ANKRD45: variants seen among roughly 807,000 people sequenced by gnomAD.
The protein encoded by ANKRD45 is ankyrin repeat domain 45.
In ANKRD45, 21 loss-of-function variants were observed where a neutral mutation model predicts 28.1. The observed-to-expected ratio is 0.75, with a 90% CI of 0.53 to 1.08. The LOEUF is 1.08. Among genes scored for constraint, ANKRD45 ranks in the 50% least tolerant of loss-of-function variants. ANKRD45 has a pLI of 0.00. For synonymous variants in ANKRD45, 86 were observed against 103.9 expected (o/e 0.83, Z 1.05); for missense variants, 261 against 308.7 (o/e 0.85, Z 1.16).
chr1:173,616,795 G>A (rs1469783118), intron 5 of ANKRD45, among the ~76,000 whole-genome samples: 1 of 152,182 alleles, frequency 6.6e-6, no homozygotes, highest in Non-Finnish European at 1.5e-5. Context: ...AATAAAAACA[G>A]TGAGTGAATT....
At chr1:173,681,564 T>C in the ANKRD45 span, among the ~76,000 whole-genome samples, 12 of 152,200 alleles carry the variant, frequency 7.9e-5, no homozygotes, top group Non-Finnish European at 1.8e-4. Context: ...AAGTACATCT[T>C]ATAGATTCAT....
intron 5 of ANKRD45, among the ~76,000 whole-genome samples, chr1:173,614,036 A>G (rs187566243): frequency 0.012 from 1,757 of 152,234 alleles, 41 homozygotes; most frequent in African/African-American, 0.041. Context: ...AGGGCGGTGC[A>G]AGATGTGCTT....
intron 5 of ANKRD45, among the ~76,000 whole-genome samples, chr1:173,621,509 A>G (rs536831427): frequency 1.3e-5 from 2 of 152,216 alleles, no homozygotes; most frequent in Non-Finnish European, 2.9e-5. Context: ...AGCATACACA[A>G]ATCAATAAAT....
intron 2 of ANKRD45, chr1:173,657,705 C>T (rs964925925): frequency 8.1e-5 from 11 of 135,214 alleles, no homozygotes; most frequent in African/African-American, 2.9e-4. Context: ...TCAAGCAATC[C>T]TCTTGCCTCG....
the ANKRD45 span, among the ~76,000 whole-genome samples, chr1:173,682,939 CTCTT>C: frequency 8.2e-6 from 1 of 121,586 alleles, no homozygotes; most frequent in Admixed American, 7.3e-5. Flanking sequence ...TCTTGCCTCT[CTCTT>C]TTTTTTTCTT....
intron 1 of ANKRD45, among the ~76,000 whole-genome samples, chr1:173,661,912 G>A (rs567526911): frequency 6.6e-6 from 1 of 152,262 alleles, no homozygotes; most frequent in East Asian, 1.9e-4. Flanking sequence ...GAAATAACAG[G>A]GAAGTGAAGA....
intron 2 of ANKRD45, among the ~76,000 whole-genome samples, chr1:173,656,479 C>T (rs915964103): frequency 1.3e-5 from 2 of 152,140 alleles, no homozygotes; most frequent in Non-Finnish European, 2.9e-5. Flanking sequence ...TTCTTATACT[C>T]TAATCTTTAT....
chr1:173,636,711 GGTTT>G (rs1378535913), intron 3 of ANKRD45: 6 of 751,616 alleles, frequency 8.0e-6, no homozygotes, highest in African/African-American at 7.1e-5. Context: ...GTTTTAATAA[GGTTT>G]GTTTACATAT....
the ANKRD45 span, among the ~76,000 whole-genome samples, chr1:173,699,019 T>C: frequency 8.6e-5 from 13 of 151,812 alleles, no homozygotes; most frequent in Non-Finnish European, 1.8e-4. Flanking sequence ...AAATACAAAC[T>C]ACCATCAGAG....
chr1:173,674,452 C>T (rs1020720453), upstream of ANKRD45, among the ~76,000 whole-genome samples: 10 of 152,066 alleles, frequency 6.6e-5, no homozygotes, highest in African/African-American at 4.8e-5. Context: ...TGAGGATGCA[C>T]GCCCATGACA....
chr1:173,636,936 A>G (rs567981968), intron 3 of ANKRD45: 10 of 1,535,714 alleles, frequency 6.5e-6, no homozygotes, highest in Non-Finnish European at 8.7e-6. Context: ...TCAGTGATAT[A>G]CAAGATCTGG....
chr1:173,695,041 T>C, the ANKRD45 span, among the ~76,000 whole-genome samples: 1 of 152,170 alleles, frequency 6.6e-6, no homozygotes, highest in Non-Finnish European at 1.5e-5. Flanking sequence ...AGAAATTTTA[T>C]TGTCATTTTC....
At chr1:173,705,718 T>C in the ANKRD45 span, among the ~76,000 whole-genome samples, 1 of 152,040 alleles carries the variant, frequency 6.6e-6, no homozygotes, top group Non-Finnish European at 1.5e-5. Flanking sequence ...ATTTTTTAAT[T>C]ATTAAGAACA....
rs116729416 is a variant in ANKRD45 at position 173,657,313 on chromosome 1, C to T, written c.328+1778G>A. On this transcript the variant is annotated intron_variant, in intron 2 of 5. Coordinates refer to ENST00000333279, the MANE Select transcript of ANKRD45 (RefSeq NM_198493.3). ...AAAACCCCCTCTCCACTAAAAAATACGAAAATTAGCCAGGCATGTTGGTGC... is the reference window on the plus strand; with the variant it reads ...AAAACCCCCTCTCCACTAAAAAATATGAAAATTAGCCAGGCATGTTGGTGC... 428 of 322,890 alleles carry T rather than the reference C, an allele frequency of 1.3e-3. 5 individuals carry two copies. Among genetic ancestry groups the T allele is most frequent in the South Asian group, 6.9e-3 (300 of 43,220 alleles). 20.0% of individuals were successfully genotyped at this position (322,890 alleles called of 1,614,324 possible).
At chr1:173,682,039 A>C in the ANKRD45 span, among the ~76,000 whole-genome samples, 2 of 148,496 alleles carry the variant, frequency 1.3e-5, no homozygotes, top group Non-Finnish European at 3.0e-5. Context: ...ACAGAGTGAG[A>C]CTCTGTCTCA....
At chr1:173,662,818 G>A (rs762454559) in intron 1 of ANKRD45, among the ~76,000 whole-genome samples, 1 of 152,134 alleles carries the variant, frequency 6.6e-6, no homozygotes, top group African/African-American at 2.4e-5. Flanking sequence ...ATCTTTAAGA[G>A]GAGAGGGAGG....
Position 173,620,211 on chromosome 1 carries a change from CA to C in ANKRD45, c.730+4575del, listed in dbSNP as rs563949654. Among the ~76,000 whole-genome samples the C allele has an allele frequency of 6.0e-3, 915 of 151,962 alleles. 7 individuals are homozygous for C. The highest frequency in any genetic ancestry group is 0.01 in the Non-Finnish European group (682 of 67,838). On this transcript the variant is annotated intron_variant, in intron 5 of 5. Coordinates refer to ENST00000333279, the MANE Select transcript of ANKRD45 (RefSeq NM_198493.3). ...ATTGATCACATATGCAGAAGTAAAA[CA>C]GTCAGCAAATGCAAAAGAACTGAAA...
chr1:173,693,342 C>A, the ANKRD45 span, among the ~76,000 whole-genome samples: 1 of 152,252 alleles, frequency 6.6e-6, no homozygotes, highest in Non-Finnish European at 1.5e-5. Flanking sequence ...TAGCACTATT[C>A]TATTTTGTTA....
At chr1:173,623,282 C>G (rs1667783282) in intron 5 of ANKRD45, among the ~76,000 whole-genome samples, 1 of 150,840 alleles carries the variant, frequency 6.6e-6, no homozygotes, top group African/African-American at 2.4e-5. Context: ...AGAACCCAGT[C>G]TGAGTGACAA....
Sources: gnomAD v4.1 joint callset for allele counts (sites outside exome capture counted in the v4.1 genomes callset) on GRCh38, gnomAD v4.1.1 for gene constraint, MANE v1.5 for transcripts, NCBI Gene and HGNC (gene_info 2026-07-23, HGNC 2026-07-21) for gene names.